The following LHX4 variants were observed in gnomAD, a reference collection of about 807,000 sequenced individuals.
LHX4 encodes LIM homeobox 4.
Under a neutral mutation model 39.2 loss-of-function variants are expected in LHX4, and 16 were observed. That is an observed-to-expected ratio of 0.41 (90% CI 0.28 to 0.62). The LOEUF (loss-of-function observed/expected upper bound fraction) is 0.62. Among genes scored for constraint, LHX4 ranks in the 20% least tolerant of loss-of-function variants. The probability of loss-of-function intolerance (pLI) is 0.33; values close to 1 mark genes in which losing one functional copy is unlikely to be tolerated. For missense variants in LHX4, 439 were observed against 511.9 expected (o/e 0.86, Z 1.37); for synonymous variants, 206 against 198.1 (o/e 1.04, Z -0.33).
chr1:180,260,351 C>T (rs1289825399), intron 2 of LHX4, among the ~76,000 whole-genome samples: 2 of 151,760 alleles, frequency 1.3e-5, no homozygotes, highest in Non-Finnish European at 2.9e-5. Context: ...GATTTATGCA[C>T]CCCTGGTTCT....
rs764098704 is a variant in LHX4, at chr1:180,271,931, C to G, written c.703C>G (p.Arg235Gly). ...GQFYKSVKRS[R>G]GSSKQEKESS... ...GTTCTATAAGAGCGTCAAGAGGAGC[C>G]GGGGCAGCAGCAAGCAGGAGAAGGA... Residue 235 changes from arginine to glycine, a missense_variant, in exon 5 of 6, where the codon CGG (arginine) becomes GGG (glycine). By Grantham distance (125) the Arg-to-Gly change is moderately radical. Coordinates refer to ENST00000263726, the MANE Select transcript of LHX4 (RefSeq NM_033343.4). 2 of 1,613,118 alleles carry G rather than the reference C, an allele frequency of 1.2e-6. No individual in the cohort carries two copies.
In LHX4 at chr1:180,230,464, G is replaced by T; in HGVS notation, c.-66G>T. The T allele has an allele frequency of 1.5e-6, 2 of 1,367,048 alleles. No homozygotes were observed. The highest frequency in any genetic ancestry group is 2.1e-6 in the Non-Finnish European group (2 of 962,866). 84.7% of individuals were successfully genotyped at this position (1,367,048 alleles called of 1,614,324 possible). A position where few individuals can be genotyped will look rare whatever the true frequency, so the allele number is the denominator to read the frequency against. On this transcript the variant is annotated 5_prime_UTR_variant, in exon 1 of 6. Transcript: ENST00000263726. The surrounding 1 kb of genome is among the most constrained non-coding windows in gnomAD (Gnocchi z 5.8). ...TTTTAATTATTATTTTGAAATTTCT[G>T]AATCGAGCTAGAGCGAGAGAGCGAG...
At chr1:180,256,021 G>C (rs78142091) in intron 2 of LHX4, among the ~76,000 whole-genome samples, 1 of 152,190 alleles carries the variant, frequency 6.6e-6, no homozygotes, top group Non-Finnish European at 1.5e-5. Context: ...CCTTCCCTCC[G>C]TTGCTGAAGA....
At chr1:180,254,731 G>A (rs1477929585) in intron 2 of LHX4, among the ~76,000 whole-genome samples, 1 of 152,204 alleles carries the variant, frequency 6.6e-6, no homozygotes, top group Non-Finnish European at 1.5e-5. Flanking sequence ...CGTGAACTTG[G>A]GGCGTTAGAC....
At chr1:180,241,055 C>T (rs758573996) in intron 1 of LHX4, among the ~76,000 whole-genome samples, 3 of 152,206 alleles carry the variant, frequency 2.0e-5, no homozygotes, top group Admixed American at 6.5e-5. Flanking sequence ...AAGCCCCAAA[C>T]GTCAATTTCA....
intron 1 of LHX4, among the ~76,000 whole-genome samples, chr1:180,237,388 C>G (rs548202312): frequency 6.6e-6 from 1 of 152,286 alleles, no homozygotes; most frequent in African/African-American, 2.4e-5. Context: ...AAATTAGATG[C>G]CACTGTGAGG....
intron 1 of LHX4, among the ~76,000 whole-genome samples, chr1:180,237,277 T>G (rs1664346125): frequency 6.6e-6 from 1 of 152,106 alleles, no homozygotes. Context: ...GAGCCATCTC[T>G]CTTTCTAGGC....
intron 3 of LHX4, chr1:180,269,659 G>T (rs1053103598): frequency 5.3e-5 from 8 of 152,142 alleles, no homozygotes; most frequent in African/African-American, 1.7e-4. Context: ...AACATTTTTG[G>T]TGATTGCATT....
At chr1:180,248,542 C>A in intron 2 of LHX4, 86 bp downstream of exon 2, 2 of 1,477,916 alleles carry the variant, frequency 1.4e-6, no homozygotes, top group African/African-American at 2.8e-5. Flanking sequence ...CAGGGTAGGC[C>A]AGGGAGGGTG....
Position 180,234,668 on chromosome 1 carries a change from G to A in LHX4, c.76+4063G>A, listed in dbSNP as rs1239539911. Among the ~76,000 whole-genome samples the A allele has an allele frequency of 6.6e-6, 1 of 152,270 alleles. No individual in the cohort carries two copies. The highest frequency in any genetic ancestry group is 1.5e-5 in the Non-Finnish European group (1 of 68,046). On this transcript the variant is annotated intron_variant, in intron 1 of 5. Coordinates refer to ENST00000263726, the MANE Select transcript of LHX4 (RefSeq NM_033343.4). The surrounding 1 kb of genome is among the most constrained non-coding windows in gnomAD (Gnocchi z 4.8). ...GCCGGACACGGAGCACGCAGGTGCAGCAGGTGAGGGGCAAAGGTCTGCATT... is the reference window on the plus strand; with the variant it reads ...GCCGGACACGGAGCACGCAGGTGCAACAGGTGAGGGGCAAAGGTCTGCATT...
intron 2 of LHX4, among the ~76,000 whole-genome samples, chr1:180,256,052 C>A (rs1647843428): frequency 1.3e-5 from 2 of 152,256 alleles, no homozygotes; most frequent in African/African-American, 2.4e-5. Flanking sequence ...CTCCTCACCC[C>A]TACCCTGGCC....
At chr1:180,249,497 C>G (rs920713854) in intron 2 of LHX4, among the ~76,000 whole-genome samples, 4 of 152,206 alleles carry the variant, frequency 2.6e-5, no homozygotes, top group African/African-American at 9.7e-5. Flanking sequence ...TCAGTCACAC[C>G]AGCCTGGGTG....
In LHX4 at chr1:180,271,978, GGTTA is replaced by G. The variant is rs760147977; in HGVS notation, c.753_756del (p.Ser252ThrfsTer4). 1 of 1,612,970 alleles carries G rather than the reference GGTTA, an allele frequency of 6.2e-7. No individual in the cohort carries two copies. Among genetic ancestry groups the G allele is most frequent in the East Asian group, 2.2e-5 (1 of 44,786 alleles). On this transcript the variant is annotated frameshift_variant, in exon 5 of 6. Transcript: ENST00000263726. LOFTEE classifies it high-confidence loss of function. ...AGGAGAGCTCTGCAGAGGACTGTGG[GGTTA>G]GTGACAGTGAGCTGAGCTTCCGAGG...
upstream of LHX4, among the ~76,000 whole-genome samples, chr1:180,229,432 C>A (rs1179075298): frequency 1.3e-5 from 2 of 152,130 alleles, no homozygotes; most frequent in East Asian, 3.9e-4. Flanking sequence ...GCGCGGGGGG[C>A]CTGCGTCCCG....
intron 2 of LHX4, among the ~76,000 whole-genome samples, chr1:180,259,513 G>A (rs991612051): frequency 6.6e-6 from 1 of 151,750 alleles, no homozygotes; most frequent in African/African-American, 2.4e-5. Context: ...AGTGGGAGGT[G>A]GGGAGGGTCC....
In LHX4 at chr1:180,266,599, G is replaced by A; in HGVS notation, c.451+5G>A. On this transcript the variant is annotated splice_donor_5th_base_variant and intron_variant, in intron 3 of 5. Transcript: ENST00000263726. This position sits in a 1 kb window ranked among gnomAD's most constrained non-coding sequence, Gnocchi z 5.7. Reference sequence around the variant, plus strand: ...ACGAGACAGCCAAGCAGAACGGTAAGCAGCATGGCCCCGCATGGTCCCCTC... The same window carrying A: ...ACGAGACAGCCAAGCAGAACGGTAAACAGCATGGCCCCGCATGGTCCCCTC... 6.2e-7 allele frequency: 1 copy of A among 1,613,764 alleles called. No individual in the cohort carries two copies. The highest frequency in any genetic ancestry group is 8.5e-7 in the Non-Finnish European group (1 of 1,179,782).
rs1371730569 is a variant in LHX4, at chr1:180,270,510, C to T, written c.452-870C>T. The T allele has an allele frequency of 3.3e-5, 5 of 152,236 alleles. No homozygotes were observed. In the East Asian group the frequency reaches 7.7e-4, roughly 23 times the overall value. 9.4% of individuals were successfully genotyped at this position (152,236 alleles called of 1,614,324 possible). On this transcript the variant is annotated intron_variant, in intron 3 of 5. Transcript: ENST00000263726. ...TGTGCTTCCGAACACACGCACGCGC[C>T]TCTCTCTGTACCTGACTTTGAATGG...
chr1:180,270,892 G>GGT, intron 3 of LHX4: 8 of 209,558 alleles, frequency 3.8e-5, no homozygotes, highest in South Asian at 1.3e-4. Context: ...CCCTGGCTGT[G>GGT]AGCCCAGCGA....
At chr1:180,241,671 G>T (rs1345724448) in intron 1 of LHX4, among the ~76,000 whole-genome samples, 1 of 152,198 alleles carries the variant, frequency 6.6e-6, no homozygotes, top group African/African-American at 2.4e-5. Context: ...CTGAGCTCAG[G>T]TCTGACTAGA....
Sources: allele counts gnomAD v4.1 joint callset (sites outside exome capture counted in the v4.1 genomes callset), GRCh38; gene constraint gnomAD v4.1.1; non-coding constraint Gnocchi (gnomAD v3.1); transcripts MANE v1.5; gene names NCBI Gene and HGNC (gene_info 2026-07-23, HGNC 2026-07-21).